The following USP46 variants were observed in gnomAD, a reference collection of about 807,000 sequenced individuals.
USP46 encodes ubiquitin carboxyl-terminal hydrolase 46.
Under a neutral mutation model 44.4 loss-of-function variants are expected in USP46, and 12 were observed. That is an observed-to-expected ratio of 0.27 (90% CI 0.17 to 0.44). The LOEUF is 0.44. Among genes scored for constraint, USP46 ranks in the 20% least tolerant of loss-of-function variants. The probability of loss-of-function intolerance (pLI) is 1.00; values close to 1 mark genes in which losing one functional copy is unlikely to be tolerated. For missense variants in USP46, 248 were observed against 444.8 expected (o/e 0.56, Z 3.98); for synonymous variants, 155 against 161.5 (o/e 0.96, Z 0.31).
chr4:52,603,640 G>A (rs1484743731), intron 6 of USP46, among the ~76,000 whole-genome samples: 1 of 152,108 alleles, frequency 6.6e-6, no homozygotes, highest in Non-Finnish European at 1.5e-5. Context: ...TAGTGTGCAG[G>A]AAAGGTGGTG....
At position 52,597,243 on chromosome 4, in the gene USP46, G is replaced by A. The variant is rs899410208; in HGVS notation, c.*397C>T. The A allele has an allele frequency of 1.2e-5, 2 of 164,166 alleles. No homozygotes were observed. Among genetic ancestry groups the A allele is most frequent in the African/African-American group, 4.8e-5 (2 of 41,574 alleles). The allele number at this position is 164,166 out of a possible 1,614,324, so 10.2% of individuals were successfully genotyped here. A position where few individuals can be genotyped will look rare whatever the true frequency, so the allele number is the denominator to read the frequency against. ...CTGAAAATGGGTAGCAATGCTTCCAGGGACAAGTTAAAGGAATGCATTGTA... is the reference window on the plus strand; with the variant it reads ...CTGAAAATGGGTAGCAATGCTTCCAAGGACAAGTTAAAGGAATGCATTGTA... On this transcript the variant is annotated 3_prime_UTR_variant, in exon 9 of 9. Coordinates refer to ENST00000441222, the MANE Select transcript of USP46 (RefSeq NM_022832.4).
intron 4 of USP46, among the ~76,000 whole-genome samples, chr4:52,616,852 A>G (rs903983962): frequency 1.3e-5 from 2 of 152,250 alleles, no homozygotes; most frequent in African/African-American, 4.8e-5. Flanking sequence ...TTTGGAAATT[A>G]AACAGCATAC....
chr4:52,637,987 C>T (rs1018711500), intron 1 of USP46, among the ~76,000 whole-genome samples: 5 of 152,216 alleles, frequency 3.3e-5, no homozygotes, highest in Admixed American at 6.5e-5. Context: ...GAATTCTACA[C>T]TGGCACCCCT....
chr4:52,644,331 A>G (rs1718456974), intron 1 of USP46, among the ~76,000 whole-genome samples: 1 of 152,190 alleles, frequency 6.6e-6, no homozygotes, highest in Admixed American at 6.5e-5. Context: ...AGGGAAAGCA[A>G]TCATGAACAA....
intron 1 of USP46, among the ~76,000 whole-genome samples, chr4:52,657,954 A>G (rs1719015965): frequency 6.6e-6 from 1 of 152,180 alleles, no homozygotes; most frequent in Non-Finnish European, 1.5e-5. Context: ...TTAAAAAGCT[A>G]TGTGATGGGG....
chr4:52,626,302 G>A (rs756866971), intron 3 of USP46, 55 bp from the exon 4 acceptor site: 7 of 1,445,626 alleles, frequency 4.8e-6, no homozygotes, highest in African/African-American at 1.4e-5. Flanking sequence ...GCAAATGGAT[G>A]TAATTAGTGT....
At chr4:52,634,980 C>T (rs1718056213) in intron 1 of USP46, among the ~76,000 whole-genome samples, 1 of 152,196 alleles carries the variant, frequency 6.6e-6, no homozygotes, top group South Asian at 2.1e-4. Context: ...AGCTACCCCT[C>T]CCATAGACAC....
Position 52,630,406 on chromosome 4 carries a change from C to CTT in USP46, c.117+656_117+657dup, listed in dbSNP as rs1347776551. Reference sequence around the variant, plus strand: ...AAAACACTGGTTGTACTGATGCATACTTAAACAAAGACTGGCTGAACAGTT... The same window carrying CTT: ...AAAACACTGGTTGTACTGATGCATACTTTTAAACAAAGACTGGCTGAACAGTT... On this transcript the variant is annotated intron_variant, in intron 2 of 8. Transcript: ENST00000441222. 2.6e-5 allele frequency among the ~76,000 whole-genome samples: 4 copies of CTT among 152,204 alleles called. No individual in the cohort carries two copies. The East Asian group carries it at 7.7e-4, about 29-fold the overall frequency.
chr4:52,631,251 C>A, intron 1 of USP46, 107 bp from the exon 2 acceptor site: 4 of 814,508 alleles, frequency 4.9e-6, no homozygotes, highest in Non-Finnish European at 5.7e-6. Context: ...CTGGTCAACA[C>A]GGTATTTGTT....
intron 7 of USP46, among the ~76,000 whole-genome samples, chr4:52,601,181 C>G (rs976897811): frequency 1.3e-5 from 2 of 152,128 alleles, no homozygotes; most frequent in Non-Finnish European, 2.9e-5. Flanking sequence ...GTGCCTACTC[C>G]CAAGACAGAA....
At chr4:52,611,164 C>G (rs1716919725) in intron 4 of USP46, among the ~76,000 whole-genome samples, 1 of 152,212 alleles carries the variant, frequency 6.6e-6, no homozygotes, top group African/African-American at 2.4e-5. Flanking sequence ...GTCCTTTGGC[C>G]AGGAAGTGGT....
At chr4:52,633,002 GAA>G (rs1553891333) in intron 1 of USP46, among the ~76,000 whole-genome samples, 1 of 117,026 alleles carries the variant, frequency 8.5e-6, no homozygotes, top group African/African-American at 3.8e-5. Context: ...AAGAAAGAAA[GAA>G]AGAAAGAAAG....
In USP46 at chr4:52,597,516, A is replaced by T; in HGVS notation, c.*124T>A. 4 of 683,550 alleles carry T rather than the reference A, an allele frequency of 5.9e-6. No homozygotes were observed. Among genetic ancestry groups the T allele is most frequent in the Middle Eastern group, 6.2e-4 (2 of 3,252 alleles). 42.3% of individuals were successfully genotyped at this position (683,550 alleles called of 1,614,324 possible). On this transcript the variant is annotated 3_prime_UTR_variant, in exon 9 of 9. Coordinates refer to ENST00000441222, the MANE Select transcript of USP46 (RefSeq NM_022832.4). ...CAAAAGGAGAGAGTCTAACACAGCC[A>T]GACCATTGAGACTCGGAGTGATACC...
intron 4 of USP46, among the ~76,000 whole-genome samples, chr4:52,614,072 A>C (rs1163632722): frequency 1.3e-5 from 2 of 152,196 alleles, no homozygotes; most frequent in African/African-American, 4.8e-5. Context: ...TTAACAGCAA[A>C]GTGGAGGTGA....
chr4:52,644,885 G>A (rs1247310236), intron 1 of USP46, among the ~76,000 whole-genome samples: 4 of 151,946 alleles, frequency 2.6e-5, no homozygotes, highest in Non-Finnish European at 4.4e-5. Context: ...GTGACACCCC[G>A]TCTCTACTAA....
chr4:52,615,436 CA>C (rs1321340861), intron 4 of USP46, among the ~76,000 whole-genome samples: 1 of 152,018 alleles, frequency 6.6e-6, no homozygotes, highest in Non-Finnish European at 1.5e-5. Context: ...TAAAAGAGGA[CA>C]TTTCCTAATG....
At chr4:52,623,190 G>A (rs1050935819) in intron 4 of USP46, among the ~76,000 whole-genome samples, 1 of 152,104 alleles carries the variant, frequency 6.6e-6, no homozygotes, top group Non-Finnish European at 1.5e-5. Context: ...CAACAGAATA[G>A]ATTTAAGAGG....
At chr4:52,617,891 A>T (rs1377957906) in intron 4 of USP46, among the ~76,000 whole-genome samples, 2 of 152,174 alleles carry the variant, frequency 1.3e-5, no homozygotes, top group Non-Finnish European at 2.9e-5. Flanking sequence ...TAGCAAGTAC[A>T]AGCTATATCT....
rs1577648622 is a variant in USP46, at chr4:52,592,501, T to A, written c.*5139A>T. 1 of 169,794 alleles carries A rather than the reference T, an allele frequency of 5.9e-6. No individual in the cohort carries two copies. Among genetic ancestry groups the A allele is most frequent in the East Asian group, 1.5e-4 (1 of 6,748 alleles). 10.5% of individuals were successfully genotyped at this position (169,794 alleles called of 1,614,324 possible). A position where few individuals can be genotyped will look rare whatever the true frequency, so the allele number is the denominator to read the frequency against. ...TTGCATCATAGGTGGTTAAGCACCA[T>A]CCCCCTAGTACTGCCTCATGACTGA... On this transcript the variant is annotated 3_prime_UTR_variant, in exon 9 of 9. Coordinates refer to ENST00000441222, the MANE Select transcript of USP46 (RefSeq NM_022832.4).
Sources: gnomAD v4.1 joint callset for allele counts (sites outside exome capture counted in the v4.1 genomes callset) on GRCh38, gnomAD v4.1.1 for gene constraint, MANE v1.5 for transcripts, NCBI Gene and HGNC (gene_info 2026-07-23, HGNC 2026-07-21) for gene names.